The following UBAP2 variants were observed in gnomAD, a reference collection of about 807,000 sequenced individuals.
UBAP2 encodes ubiquitin-associated protein 2.
In UBAP2, 75 loss-of-function variants were observed where a neutral mutation model predicts 139.6. That is an observed-to-expected ratio of 0.54 (90% CI 0.45 to 0.65). UBAP2 has a LOEUF of 0.65. UBAP2 is among the 30% of genes least tolerant of loss of function. The pLI is 0.00. For synonymous variants in UBAP2, 526 were observed against 526.2 expected, an observed-to-expected ratio of 1.00 and a Z score of 0.01; for missense variants, 1,368 against 1,369.6, an observed-to-expected ratio of 1.00 and a Z score of 0.02.
chr9:34,041,442 G>T (rs1827074614), intron 1 of UBAP2, among the ~76,000 whole-genome samples: 1 of 132,560 alleles, frequency 7.5e-6, no homozygotes, highest in South Asian at 2.4e-4. Flanking sequence ...TCTAGCCTGG[G>T]CAACAAGAGC....
chr9:33,959,817 A>C (rs980073112), intron 10 of UBAP2, among the ~76,000 whole-genome samples: 1 of 152,214 alleles, frequency 6.6e-6, no homozygotes, highest in African/African-American at 2.4e-5. Context: ...ACTCCCCTTT[A>C]ATGAAAATAT....
chr9:34,031,169 C>T (rs1825855583), intron 1 of UBAP2, among the ~76,000 whole-genome samples: 3 of 150,260 alleles, frequency 2.0e-5, no homozygotes, highest in Admixed American at 1.3e-4. Context: ...TCCTACTACT[C>T]GGGAGGCTGA....
chr9:33,968,172 T>C (rs766843187), intron 8 of UBAP2: 14 of 605,142 alleles, frequency 2.3e-5, no homozygotes, highest in Non-Finnish European at 3.9e-5. Context: ...AGAAGAAATC[T>C]ACTGGGTTTT....
chr9:33,963,098 G>A (rs1265918823), intron 9 of UBAP2, among the ~76,000 whole-genome samples: 2 of 152,152 alleles, frequency 1.3e-5, no homozygotes, highest in African/African-American at 4.8e-5. Flanking sequence ...GTGAGAATCT[G>A]AGTACATTTA....
Position 33,943,456 on chromosome 9 carries a change from T to A in UBAP2, c.1679A>T (p.Asn560Ile), listed in dbSNP as rs764396778. 1.2e-6 allele frequency: 2 copies of A among 1,614,226 alleles called. No homozygotes were observed. The highest frequency in any genetic ancestry group is 4.5e-5 in the East Asian group (2 of 44,894). The stretch of plus-strand genomic sequence containing the variant: ...CGAATACAAGCTGATGGGAATCTGA[T>A]TACTATTTTCACTGCTTGGAGCTGA... ...FGSAPSSENS[N>I]QIPISLYSKS... The change falls in exon 15 of 29, where the codon AAT (asparagine) becomes ATT (isoleucine). Residue 560 changes from asparagine to isoleucine, a missense_variant. Coordinates refer to ENST00000379238, the MANE Select transcript of UBAP2 (RefSeq NM_001370062.2).
In UBAP2 at chr9:33,948,414, G is replaced by C; in HGVS notation, c.1230C>G (p.Leu410=). 6.2e-7 allele frequency: 1 copy of C among 1,613,690 alleles called. No homozygotes were observed. Among genetic ancestry groups the C allele is most frequent in the Non-Finnish European group, 8.5e-7 (1 of 1,179,664 alleles). ...CTGAGGACTGGGATGTTGGGGGCTTGAGGTCCCAAGAAGTAGTAGTTGTAG... is the reference window on the plus strand; with the variant it reads ...CTGAGGACTGGGATGTTGGGGGCTTCAGGTCCCAAGAAGTAGTAGTTGTAG... ...SHPTTTTSWD[L]KPPTSQSSVL... The change falls in exon 13 of 29, where the codon CTC becomes CTG. Residue 410 remains leucine (L), a synonymous_variant. Transcript: ENST00000379238.
rs776247072 is a variant in UBAP2, at chr9:33,932,531, C to T, written c.2175+31G>A. On this transcript the variant is annotated intron_variant, in intron 19 of 28. Coordinates refer to ENST00000379238, the MANE Select transcript of UBAP2 (RefSeq NM_001370062.2). ...TAAGCTCCAGGCTCCCCAAGCATGGCGGAGGAAGAGGAAGCCGCGCAGACA... is the reference window on the plus strand; with the variant it reads ...TAAGCTCCAGGCTCCCCAAGCATGGTGGAGGAAGAGGAAGCCGCGCAGACA... 18 of 1,612,010 alleles carry T rather than the reference C, an allele frequency of 1.1e-5. No individual in the cohort carries two copies. The East Asian group carries it at 2.9e-4, about 26-fold the overall frequency.
intron 22 of UBAP2, among the ~76,000 whole-genome samples, chr9:33,925,765 C>T (rs999784794): frequency 1.3e-5 from 2 of 152,204 alleles, no homozygotes; most frequent in African/African-American, 2.4e-5. Flanking sequence ...GCAACACCCA[C>T]GGGGAAGAAG....
intron 7 of UBAP2, 62 bp downstream of exon 7, chr9:33,973,121 G>T: frequency 1.4e-6 from 2 of 1,464,332 alleles, no homozygotes; most frequent in Non-Finnish European, 1.9e-6. Flanking sequence ...GGTATTAGAA[G>T]CAACTGCAGA....
In UBAP2 at chr9:33,923,875, G is replaced by C; in HGVS notation, c.2716C>G (p.Leu906Val). The change falls in exon 24 of 29, where the codon CTG becomes GTG. Residue 906 changes from leucine to valine, a missense_variant. Physicochemically the swap from Leu to Val is conservative, Grantham distance 32. Coordinates refer to ENST00000379238, the MANE Select transcript of UBAP2 (RefSeq NM_001370062.2). Reference sequence around the variant, plus strand: ...CCAGTGTAGCTATAGCCAGGTGGCAGTGCAGGATTCACGAAGGGCTGCTGG... The same window carrying C: ...CCAGTGTAGCTATAGCCAGGTGGCACTGCAGGATTCACGAAGGGCTGCTGG... ...TAQQPFVNPA[L>V]PPGYSYTGLP... 3 of 1,614,192 alleles carry C rather than the reference G, an allele frequency of 1.9e-6. No homozygotes were observed. The highest frequency in any genetic ancestry group is 1.1e-5 in the South Asian group (1 of 91,090).
At chr9:33,999,971 G>A (rs1822559063) in intron 2 of UBAP2, among the ~76,000 whole-genome samples, 1 of 151,202 alleles carries the variant, frequency 6.6e-6, no homozygotes. Context: ...ATTTTGAGAT[G>A]GAGTCTCACT....
At chr9:33,924,058 C>T in intron 23 of UBAP2, 58 bp from the exon 24 acceptor site, 6 of 1,603,450 alleles carry the variant, frequency 3.7e-6, no homozygotes, top group South Asian at 1.1e-5. Flanking sequence ...AAAGGCCACA[C>T]TGGCTTCTGC....
At chr9:34,039,249 T>C (rs1826805771) in intron 1 of UBAP2, among the ~76,000 whole-genome samples, 2 of 138,148 alleles carry the variant, frequency 1.4e-5, no homozygotes, top group African/African-American at 2.7e-5. Flanking sequence ...CGCCTCCGCC[T>C]GGCCGCCGCC....
intron 10 of UBAP2, among the ~76,000 whole-genome samples, chr9:33,960,037 C>T (rs1309341849): frequency 1.3e-5 from 2 of 152,144 alleles, no homozygotes; most frequent in South Asian, 4.1e-4. Context: ...TCAAGAGATC[C>T]TCCTGCCTTA....
chr9:33,954,586 A>G (rs1046745396), intron 11 of UBAP2, among the ~76,000 whole-genome samples: 8 of 152,164 alleles, frequency 5.3e-5, no homozygotes, highest in Non-Finnish European at 8.8e-5. Flanking sequence ...CACCATGCCA[A>G]TAAGACAGGC....
chr9:33,975,157 C>T (rs780207289), intron 6 of UBAP2, among the ~76,000 whole-genome samples: 21 of 152,154 alleles, frequency 1.4e-4, no homozygotes, highest in Middle Eastern at 3.4e-3. Context: ...GGCGGCCGGG[C>T]GTGGTGGCTC....
intron 8 of UBAP2, among the ~76,000 whole-genome samples, chr9:33,970,408 T>C (rs1587586226): frequency 6.6e-6 from 1 of 151,946 alleles, no homozygotes; most frequent in East Asian, 1.9e-4. Context: ...TTGGCTAGGG[T>C]TGATGTTATA....
intron 1 of UBAP2, among the ~76,000 whole-genome samples, chr9:34,038,433 C>T (rs939143730): frequency 2.0e-5 from 3 of 152,222 alleles, no homozygotes; most frequent in Non-Finnish European, 4.4e-5. Flanking sequence ...CAGGCGCGCG[C>T]CGCCACACCT....
Position 33,923,936 on chromosome 9 carries a change from C to T in UBAP2, c.2655G>A (p.Gln885=), listed in dbSNP as rs142128588. 2.5e-6 allele frequency: 4 copies of T among 1,614,190 alleles called. No homozygotes were observed. The highest frequency in any genetic ancestry group is 1.3e-5 in the African/African-American group (1 of 75,058). The stretch of plus-strand genomic sequence containing the variant: ...GGGTCTGTGATTGGCTCTGCTGTGG[C>T]TGAGCTGGTGTGGTAGCGGGTGCAG... The part of the protein sequence containing the change: ...ASPAPATTPA[Q]PQQSQSQTHH... Residue 885 remains glutamine, a synonymous_variant, in exon 24 of 29, where the codon CAG becomes CAA. Coordinates refer to ENST00000379238, the MANE Select transcript of UBAP2 (RefSeq NM_001370062.2).
Sources: gnomAD v4.1 joint callset for allele counts (sites outside exome capture counted in the v4.1 genomes callset) on GRCh38, gnomAD v4.1.1 for gene constraint, MANE v1.5 for transcripts, NCBI Gene and HGNC (gene_info 2026-07-23, HGNC 2026-07-21) for gene names.